Variants in TRPM4 observed in about 807,000 individuals in gnomAD.
TRPM4 encodes calcium-activated non-selective cation channel 1.
A neutral mutation model predicts 135.6 loss-of-function variants in TRPM4; 124 were observed. That is an observed-to-expected ratio of 0.91 (90% CI 0.79 to 1.06). The LOEUF (loss-of-function observed/expected upper bound fraction) is 1.06, where lower values mean the gene tolerates loss of function less well. Among genes scored for constraint, TRPM4 ranks in the 50% least tolerant of loss-of-function variants. TRPM4 has a pLI of 0.00. For missense variants in TRPM4, 1,658 were observed against 1,671.4 expected (o/e 0.99, Z 0.14); for synonymous variants, 745 against 705.6 (o/e 1.06, Z -0.88).
At chr19:49,177,281 T>A (rs1485166969) in intron 9 of TRPM4, among the ~76,000 whole-genome samples, 2 of 150,916 alleles carry the variant, frequency 1.3e-5, no homozygotes, top group African/African-American at 4.9e-5. Context: ...ATAGCAGAGT[T>A]GAATGGATGG....
Position 49,171,544 on chromosome 19 carries a change from G to T in TRPM4, c.859-34G>T. 1 of 1,613,822 alleles carries T rather than the reference G, an allele frequency of 6.2e-7. No homozygotes were observed. Among genetic ancestry groups the T allele is most frequent in the Non-Finnish European group, 8.5e-7 (1 of 1,179,832 alleles). The stretch of plus-strand genomic sequence containing the variant: ...GTAGGGTGAATATCCTGCCTTTTCT[G>T]ACGTGATGAATAAAGAATGCCTTTA... On this transcript the variant is annotated intron_variant, in intron 7 of 24. Transcript: ENST00000252826. The surrounding 1 kb of genome is among the most constrained non-coding windows in gnomAD (Gnocchi z 4.7).
At position 49,189,076 on chromosome 19, in the gene TRPM4, C is replaced by T. The variant is rs770104770; in HGVS notation, c.2004C>T (p.Ala668=). 1 of 1,614,028 alleles carries T rather than the reference C, an allele frequency of 6.2e-7. No homozygotes were observed. Among genetic ancestry groups the T allele is most frequent in the Admixed American group, 1.7e-5 (1 of 59,988 alleles). Residue 668 remains alanine, a synonymous_variant, in exon 14 of 25, where the codon GCC becomes GCT. Coordinates refer to ENST00000252826, the MANE Select transcript of TRPM4 (RefSeq NM_017636.4). ...AMQADARAFF[A]QDGVQSLLTQ... ...AAGCTGACGCCCGTGCCTTCTTTGC[C>T]CAGGATGGGGTACAGGTGAGTATCT...
chr19:49,199,564 C>T (rs1277304598), intron 17 of TRPM4, among the ~76,000 whole-genome samples: 5 of 152,198 alleles, frequency 3.3e-5, no homozygotes, highest in Admixed American at 1.3e-4. Context: ...CGGCCACCCT[C>T]CCGTTTTTTT....
Position 49,211,658 on chromosome 19 carries a change from T to C in TRPM4, c.*160T>C. The C allele has an allele frequency of 2.2e-6, 2 of 926,280 alleles. No individual in the cohort carries two copies. Among genetic ancestry groups the C allele is most frequent in the Non-Finnish European group, 3.5e-6 (2 of 571,632 alleles). 57.4% of individuals were successfully genotyped at this position (926,280 alleles called of 1,614,324 possible). A position where few individuals can be genotyped will look rare whatever the true frequency, so the allele number is the denominator to read the frequency against. On this transcript the variant is annotated 3_prime_UTR_variant, in exon 25 of 25. Transcript: ENST00000252826. The surrounding 1 kb of genome is among the most constrained non-coding windows in gnomAD (Gnocchi z 4.8). ...AGGACCACCTTTGGGAGTGTCATCC[T>C]TACAAACCACAGCATGCCCGGCTCC...
At chr19:49,181,530 CTTTTTTT>C (rs35727661) in intron 10 of TRPM4, 69 bp downstream of exon 10, 98 of 518,618 alleles carry the variant, frequency 1.9e-4, no homozygotes, top group East Asian at 4.4e-4. Context: ...TCTCTGCCTT[CTTTTTTT>C]TTTTTTTTTT....
At chr19:49,197,334 TTCTTTCTTTC>T (rs1568485928) in intron 17 of TRPM4, among the ~76,000 whole-genome samples, 2 of 130,134 alleles carry the variant, frequency 1.5e-5, no homozygotes, top group Non-Finnish European at 3.1e-5. Flanking sequence ...CTTTCTTTCT[TTCTTTCTTTC>T]TTTCTTTCTT....
chr19:49,197,011 T>C, intron 17 of TRPM4, 137 bp downstream of exon 17: 3 of 848,728 alleles, frequency 3.5e-6, no homozygotes, highest in East Asian at 5.4e-5. Flanking sequence ...GAACCCCTCT[T>C]AGGAAAGTCG....
intron 16 of TRPM4, 82 bp downstream of exon 16, chr19:49,190,855 C>A: frequency 7.9e-7 from 1 of 1,271,618 alleles, no homozygotes; most frequent in South Asian, 1.2e-5. Flanking sequence ...TTGTGTTAGT[C>A]CCCTCTTGAG....
At position 49,171,992 on chromosome 19, in the gene TRPM4, A is replaced by G. The variant is rs1168522777; in HGVS notation, c.1051-17A>G. On this transcript the variant is annotated splice_polypyrimidine_tract_variant and intron_variant, in intron 8 of 24. Coordinates refer to ENST00000252826, the MANE Select transcript of TRPM4 (RefSeq NM_017636.4). The surrounding 1 kb of genome is among the most constrained non-coding windows in gnomAD (Gnocchi z 4.7). The stretch of plus-strand genomic sequence containing the variant: ...GGATGGAGGCGGGCTAGGGATGCAG[A>G]ACTGGCTATTCCACAGGTGGAGAGG... 2 of 1,607,194 alleles carry G rather than the reference A, an allele frequency of 1.2e-6. No individual in the cohort carries two copies. The highest frequency in any genetic ancestry group is 2.2e-5 in the East Asian group (1 of 44,846).
chr19:49,168,385 G>A lies in TRPM4; in HGVS notation c.574G>A (p.Gly192Ser), dbSNP rs1967314617. Reference protein sequence around the residue: ...KVVAMGVAPWGVVRNRDTLIN... With the variant: ...KVVAMGVAPWSVVRNRDTLIN... ...GGTGGCCATGGGTGTGGCCCCCTGG[G>A]GTGTGGTCCGGAATAGAGACACCCT... Residue 192 changes from glycine (G) to serine (S), a missense_variant, in exon 5 of 25, where the codon GGT becomes AGT. Physicochemically the swap from Gly to Ser is moderately conservative, Grantham distance 56. This residue lies in a region of TRPM4 where 1,412 missense variants were observed against 1,408.7 expected (regional missense o/e 1.00). Transcript: ENST00000252826. 2 of 1,614,056 alleles carry A rather than the reference G, an allele frequency of 1.2e-6. No homozygotes were observed. The highest frequency in any genetic ancestry group is 8.5e-7 in the Non-Finnish European group (1 of 1,180,030).
In TRPM4 at chr19:49,210,103, C is replaced by G; in HGVS notation, c.3132-106C>G. The G allele has an allele frequency of 4.1e-6, 5 of 1,205,446 alleles. No homozygotes were observed. Among genetic ancestry groups the G allele is most frequent in the Non-Finnish European group, 6.2e-6 (5 of 808,736 alleles). The allele number at this position is 1,205,446 out of a possible 1,614,324, so 74.7% of individuals were successfully genotyped here. On this transcript the variant is annotated intron_variant, in intron 20 of 24. Transcript: ENST00000252826. The surrounding 1 kb of genome is among the most constrained non-coding windows in gnomAD (Gnocchi z 4.1). ...CCTCTGACTTTAGTGATCTTGACTT[C>G]TGTCTGCTGCTATAGACTGAACAAT...
At chr19:49,185,835 C>T (rs529805837) in intron 12 of TRPM4, among the ~76,000 whole-genome samples, 1 of 151,758 alleles carries the variant, frequency 6.6e-6, no homozygotes, top group East Asian at 2.0e-4. Flanking sequence ...ACTGCAAGCT[C>T]CACCTCCCAG....
At chr19:49,207,433 C>T (rs560129785) in intron 20 of TRPM4, among the ~76,000 whole-genome samples, 4 of 151,424 alleles carry the variant, frequency 2.6e-5, no homozygotes, top group Admixed American at 6.6e-5. Context: ...AGTTCAAGAC[C>T]GACCTGGGCA....
At position 49,200,415 on chromosome 19, in the gene TRPM4, G is replaced by T. The variant is rs377359117; in HGVS notation, c.2761G>T (p.Val921Phe). Reference sequence around the variant, plus strand: ...CAACAAACAGCTGGGGCCCAAGATCGTCATCGTGAGCAAGATGGTGAGGCA... The same window carrying T: ...CAACAAACAGCTGGGGCCCAAGATCTTCATCGTGAGCAAGATGGTGAGGCA... ...TVNKQLGPKI[V>F]IVSKMMKDVF... Residue 921 changes from valine to phenylalanine, a missense_variant, in exon 18 of 25, where the codon GTC (valine) becomes TTC (phenylalanine). By Grantham distance (50) the Val-to-Phe change is conservative (BLOSUM62 -1). Coordinates refer to ENST00000252826, the MANE Select transcript of TRPM4 (RefSeq NM_017636.4). 6.2e-7 allele frequency: 1 copy of T among 1,605,858 alleles called. No individual in the cohort carries two copies. The highest frequency in any genetic ancestry group is 1.1e-5 in the South Asian group (1 of 90,878).
In TRPM4 at chr19:49,196,540, C is replaced by T. The variant is rs866506238; in HGVS notation, c.2311C>T (p.Arg771Cys). The T allele has an allele frequency of 4.5e-6, 7 of 1,554,730 alleles. No individual in the cohort carries two copies. The highest frequency in any genetic ancestry group is 2.7e-5 in the African/African-American group (2 of 73,696). ...GRCGGRRCLRRWFHFWGAPVT... is the reference protein window; with the variant it reads ...GRCGGRRCLRCWFHFWGAPVT... ...CTGCGGGGGGCGCCGGTGCCTACGC[C>T]GCTGGTTCCACTTCTGGGGCGCGCC... Residue 771 changes from arginine (R) to cysteine (C), a missense_variant, in exon 17 of 25, where the codon CGC (arginine) becomes TGC (cysteine). Physicochemically the swap from Arg to Cys is radical, Grantham distance 180. Around this residue, in one of 3 missense-constraint regions of TRPM4, gnomAD observed 1,412 missense variants for 1,408.7 expected, o/e 1.00. Coordinates refer to ENST00000252826, the MANE Select transcript of TRPM4 (RefSeq NM_017636.4).
chr19:49,211,517 A>G lies in TRPM4; in HGVS notation c.*19A>G. The G allele has an allele frequency of 6.2e-7, 1 of 1,613,876 alleles. No individual in the cohort carries two copies. The highest frequency in any genetic ancestry group is 1.7e-5 in the Admixed American group (1 of 60,014). On this transcript the variant is annotated 3_prime_UTR_variant, in exon 25 of 25. Transcript: ENST00000252826. This position sits in a 1 kb window ranked among gnomAD's most constrained non-coding sequence, Gnocchi z 4.8. ...AGACTGAGCCCTGCTGGCGGACTTC[A>G]AGGAGAAGCCCCCACAGGGGATTTT...
chr19:49,202,881 C>CTTTTTTTTT (rs752188238), intron 20 of TRPM4, among the ~76,000 whole-genome samples: 1 of 109,646 alleles, frequency 9.1e-6, no homozygotes, highest in Non-Finnish European at 1.8e-5. Context: ...ATTTTTACTT[C>CTTTTTTTTT]TTTTTTTTTT....
chr19:49,168,588 C>A lies in TRPM4; in HGVS notation c.648C>A (p.Asp216Glu). The A allele has an allele frequency of 2.5e-6, 4 of 1,613,790 alleles. No individual in the cohort carries two copies. The highest frequency in any genetic ancestry group is 3.4e-6 in the Non-Finnish European group (4 of 1,179,994). ...CTGCGAGGTACCGGTGGCGCGGTGA[C>A]CCGGAGGACGGGGTCCAGTTTCCCC... ...SFPARYRWRG[D>E]PEDGVQFPLD... The change falls in exon 6 of 25, where the codon GAC becomes GAA. Residue 216 changes from aspartate to glutamate, a missense_variant. Physicochemically the swap from Asp to Glu is conservative, Grantham distance 45 (BLOSUM62 2). Coordinates refer to ENST00000252826, the MANE Select transcript of TRPM4 (RefSeq NM_017636.4).
chr19:49,202,088 C>A lies in TRPM4; in HGVS notation c.3078C>A (p.Ile1026=). ...ANWLVVLLLV[I]FLLVANILLV... is the part of the protein sequence containing the mutation. ...GGCTGGTGGTGCTGCTCCTCGTCATCTTCCTGCTCGTGGCCAACATCCTGC... is the reference window on the plus strand; with the variant it reads ...GGCTGGTGGTGCTGCTCCTCGTCATATTCCTGCTCGTGGCCAACATCCTGC... Residue 1026 remains isoleucine (I), a synonymous_variant, in exon 20 of 25, where the codon ATC becomes ATA. Transcript: ENST00000252826. 1 of 1,614,130 alleles carries A rather than the reference C, an allele frequency of 6.2e-7. No individual in the cohort carries two copies. Among genetic ancestry groups the A allele is most frequent in the African/African-American group, 1.3e-5 (1 of 75,056 alleles).
Sources: allele counts gnomAD v4.1 joint callset (sites outside exome capture counted in the v4.1 genomes callset), GRCh38; gene constraint gnomAD v4.1.1; regional missense constraint gnomAD v4.1.1; non-coding constraint Gnocchi (gnomAD v3.1); transcripts MANE v1.5; gene names NCBI Gene and HGNC (gene_info 2026-07-23, HGNC 2026-07-21).